The following NTNG1 variants were observed in gnomAD, a reference collection of about 807,000 sequenced individuals.
NTNG1 encodes netrin-G1.
NTNG1 carries 16 observed loss-of-function variants against 54.0 expected under a neutral mutation model. The observed-to-expected ratio is 0.30, with a 90% CI of 0.20 to 0.45. The LOEUF (loss-of-function observed/expected upper bound fraction) is 0.45. NTNG1 is among the 20% of genes least tolerant of loss of function. The pLI, the probability that NTNG1 is intolerant of heterozygous loss-of-function variation, is 1.00. For synonymous variants in NTNG1, 255 were observed against 263.1 expected, an observed-to-expected ratio of 0.97 and a Z score of 0.30; for missense variants, 530 against 678.7, an observed-to-expected ratio of 0.78 and a Z score of 2.43.
chr1:107,244,736 C>G (rs1486255028), intron 2 of NTNG1, among the ~76,000 whole-genome samples: 2 of 152,208 alleles, frequency 1.3e-5, no homozygotes, highest in Non-Finnish European at 2.9e-5. Context: ...ATCTAGCTCT[C>G]TCTCTTACAC....
At chr1:107,266,804 G>C (rs59149742) in intron 2 of NTNG1, among the ~76,000 whole-genome samples, 2,255 of 151,988 alleles carry the variant, frequency 0.015, 54 homozygotes, top group African/African-American at 0.051. Flanking sequence ...ATGTTATTAT[G>C]TTAGCATTTC....
chr1:107,400,419 T>C (rs1672946818), intron 4 of NTNG1, among the ~76,000 whole-genome samples: 1 of 152,170 alleles, frequency 6.6e-6, no homozygotes, highest in Admixed American at 6.5e-5. Context: ...TTATGCTCTT[T>C]ATTGGTTTAA....
chr1:107,302,391 G>T (rs991009649), intron 2 of NTNG1, among the ~76,000 whole-genome samples: 1 of 152,040 alleles, frequency 6.6e-6, no homozygotes, highest in East Asian at 1.9e-4. Context: ...TCCCCACTTT[G>T]TTCTCCATTG....
At chr1:107,453,148 A>G (rs139373279) in intron 7 of NTNG1, among the ~76,000 whole-genome samples, 8 of 152,328 alleles carry the variant, frequency 5.3e-5, no homozygotes, top group Admixed American at 3.3e-4. Flanking sequence ...TGTTTTAGTG[A>G]AAGAAAGAAT....
intron 6 of NTNG1, among the ~76,000 whole-genome samples, chr1:107,436,356 T>C (rs1675594186): frequency 1.3e-5 from 2 of 152,230 alleles, no homozygotes; most frequent in African/African-American, 4.8e-5. Context: ...AAACTTCTCA[T>C]GGTGTTTATT....
At chr1:107,154,749 G>GATATAT (rs34011515) in intron 2 of NTNG1, among the ~76,000 whole-genome samples, 33 of 147,466 alleles carry the variant, frequency 2.2e-4, no homozygotes, top group African/African-American at 6.7e-4. Context: ...TAAAGAACCT[G>GATATAT]ATATATATAT....
intron 2 of NTNG1, among the ~76,000 whole-genome samples, chr1:107,242,980 C>A (rs1016271924): frequency 6.6e-6 from 1 of 152,114 alleles, no homozygotes; most frequent in African/African-American, 2.4e-5. Flanking sequence ...GGAAAGTGAG[C>A]TTTTGATTAC....
chr1:107,336,365 A>C (rs1438519623), intron 3 of NTNG1, among the ~76,000 whole-genome samples: 1 of 151,878 alleles, frequency 6.6e-6, no homozygotes, highest in Non-Finnish European at 1.5e-5. Flanking sequence ...TGAGGAAAAG[A>C]CAGTCTTTTC....
At chr1:107,224,734 A>G (rs1660565424) in intron 2 of NTNG1, among the ~76,000 whole-genome samples, 2 of 152,174 alleles carry the variant, frequency 1.3e-5, no homozygotes, top group Non-Finnish European at 2.9e-5. Context: ...GCCTGGTAGT[A>G]TAACAGAAGC....
chr1:107,402,360 AC>A (rs1673097253), intron 4 of NTNG1, among the ~76,000 whole-genome samples: 1 of 152,160 alleles, frequency 6.6e-6, no homozygotes, highest in Non-Finnish European at 1.5e-5. Context: ...TTTGCGGGTT[AC>A]CACTCCCGCT....
At chr1:107,441,250 G>GA (rs11445092) in intron 7 of NTNG1, among the ~76,000 whole-genome samples, 145,902 of 152,176 alleles carry the variant, frequency 0.96, 70,250 homozygotes, top group East Asian at 1. Flanking sequence ...CAGTTTGGGA[G>GA]GTAGAAATAG....
intron 3 of NTNG1, among the ~76,000 whole-genome samples, chr1:107,393,321 C>T (rs550591758): frequency 3.3e-5 from 5 of 152,012 alleles, no homozygotes; most frequent in African/African-American, 7.2e-5. Flanking sequence ...AAACATCCTC[C>T]GTATATAGAA....
At chr1:107,397,576 T>A (rs944995420) in intron 4 of NTNG1, among the ~76,000 whole-genome samples, 1 of 152,198 alleles carries the variant, frequency 6.6e-6, no homozygotes, top group Non-Finnish European at 1.5e-5. Context: ...CTGTGGATTT[T>A]TAGATGGTTG....
chr1:107,260,145 C>T (rs1236307559), intron 2 of NTNG1, among the ~76,000 whole-genome samples: 2 of 152,200 alleles, frequency 1.3e-5, no homozygotes, highest in South Asian at 2.1e-4. Flanking sequence ...AGTGAAAATA[C>T]TCATTTGATC....
intron 2 of NTNG1, among the ~76,000 whole-genome samples, chr1:107,275,082 A>G (rs1664377517): frequency 6.6e-6 from 1 of 152,180 alleles, no homozygotes. Context: ...AATATAACAT[A>G]AAGAGATTAA....
intron 3 of NTNG1, among the ~76,000 whole-genome samples, chr1:107,341,426 G>C (rs1668889748): frequency 1.3e-5 from 2 of 152,012 alleles, no homozygotes; most frequent in African/African-American, 4.8e-5. Context: ...AGATTCCCAT[G>C]AAAATTAAAA....
In NTNG1 at chr1:107,398,844, G is replaced by A. The variant is rs901133661; in HGVS notation, c.1060+3518G>A. Reference sequence around the variant, plus strand: ...TTTTATTTCTGTCTTCCAAGTAATAGCAATTCTGTCCAACTTCATGCTTAA... The same window carrying A: ...TTTTATTTCTGTCTTCCAAGTAATAACAATTCTGTCCAACTTCATGCTTAA... On this transcript the variant is annotated intron_variant, in intron 4 of 7. Coordinates refer to ENST00000370068, the MANE Select transcript of NTNG1 (RefSeq NM_001113226.3). 1.5e-4 allele frequency among the ~76,000 whole-genome samples: 23 copies of A among 152,042 alleles called. No homozygotes were observed. In the East Asian group the frequency reaches 4.4e-3, roughly 29 times the overall value.
At chr1:107,197,681 A>G (rs553500411) in intron 2 of NTNG1, among the ~76,000 whole-genome samples, 32 of 151,884 alleles carry the variant, frequency 2.1e-4, no homozygotes, top group Non-Finnish European at 4.1e-4. Context: ...TGTTTCCCCT[A>G]TGGTGCTCCC....
At chr1:107,398,520 G>A (rs946493814) in intron 4 of NTNG1, among the ~76,000 whole-genome samples, 1 of 152,136 alleles carries the variant, frequency 6.6e-6, no homozygotes, top group African/African-American at 2.4e-5. Context: ...AAGCAGAAGT[G>A]TCAGAAGGCC....
Sources: gnomAD v4.1 joint callset for allele counts (sites outside exome capture counted in the v4.1 genomes callset) on GRCh38, gnomAD v4.1.1 for gene constraint, MANE v1.5 for transcripts, NCBI Gene and HGNC (gene_info 2026-07-23, HGNC 2026-07-21) for gene names.